FANCA: variants seen among roughly 807,000 people sequenced by gnomAD.
FANCA encodes FA complementation group A, also known as Fanconi anemia group A protein.
Under a neutral mutation model 194.3 loss-of-function variants are expected in FANCA, and 236 were observed. That is an observed-to-expected ratio of 1.21 (90% CI 1.09 to 1.35). The LOEUF (loss-of-function observed/expected upper bound fraction) is 1.35. Among genes scored for constraint, FANCA ranks in the 40% most tolerant of loss-of-function variants. The pLI is 0.00. For missense variants in FANCA, 2,628 were observed against 1,813.9 expected, an observed-to-expected ratio of 1.45 and a Z score of -8.15; for synonymous variants, 1,014 against 715.8, an observed-to-expected ratio of 1.42 and a Z score of -6.65.
At chr16:89,760,972 T>C (rs2038931158) in intron 29 of FANCA, among the ~76,000 whole-genome samples, 2 of 152,304 alleles carry the variant, frequency 1.3e-5, no homozygotes, top group East Asian at 3.9e-4. Context: ...GGGTGCCTTA[T>C]ACGTGCCACA....
intron 28 of FANCA, 135 bp from the exon 29 acceptor site, chr16:89,762,157 G>C (rs1005251551): frequency 1.3e-6 from 1 of 749,174 alleles, no homozygotes; most frequent in Non-Finnish European, 2.4e-6. Flanking sequence ...TTGCAGCTGA[G>C]AGTTCCACAG....
At chr16:89,771,206 C>T (rs536695851) in intron 23 of FANCA, among the ~76,000 whole-genome samples, 18 of 148,836 alleles carry the variant, frequency 1.2e-4, no homozygotes, top group African/African-American at 4.0e-4. Flanking sequence ...TGCCTATAAT[C>T]CCAACACTTT....
At chr16:89,813,073 T>C (rs1344162848) in intron 3 of FANCA, among the ~76,000 whole-genome samples, 1 of 150,310 alleles carries the variant, frequency 6.7e-6, no homozygotes, top group Non-Finnish European at 1.5e-5. Flanking sequence ...TCTAGAAGCT[T>C]AAAATTATAG....
chr16:89,754,149 G>C (rs1320356925), intron 30 of FANCA, among the ~76,000 whole-genome samples: 2 of 151,880 alleles, frequency 1.3e-5, no homozygotes, highest in Middle Eastern at 3.2e-3. Flanking sequence ...TTGAACCTGA[G>C]AGGCGAAGGT....
chr16:89,771,668 C>G lies in FANCA; in HGVS notation c.2151+10G>C. 3.7e-6 allele frequency: 6 copies of G among 1,614,098 alleles called. No individual in the cohort carries two copies. The highest frequency in any genetic ancestry group is 5.1e-6 in the Non-Finnish European group (6 of 1,179,994). On this transcript the variant is annotated intron_variant, in intron 23 of 42. Transcript: ENST00000389301. Reference sequence around the variant, plus strand: ...AGACCCCCTGCTTTGTTCTGAGCCCCTACACCTACCATGTGTTCCCGTGGC... The same window carrying G: ...AGACCCCCTGCTTTGTTCTGAGCCCGTACACCTACCATGTGTTCCCGTGGC...
chr16:89,737,931 C>T lies in FANCA; in HGVS notation c.*670G>A. The T allele has an allele frequency of 6.2e-7, 1 of 1,613,784 alleles. No homozygotes were observed. Among genetic ancestry groups the T allele is most frequent in the East Asian group, 2.2e-5 (1 of 44,874 alleles). On this transcript the variant is annotated 3_prime_UTR_variant, in exon 43 of 43. Coordinates refer to ENST00000389301, the MANE Select transcript of FANCA (RefSeq NM_000135.4). ...GTAAGTGTGAGTCAGGACCCCCTCC[C>T]AGGGCTGTGGCCCTCGCACCTTCTT...
At chr16:89,780,675 T>C (rs1016779050) in intron 17 of FANCA, among the ~76,000 whole-genome samples, 3 of 150,022 alleles carry the variant, frequency 2.0e-5, no homozygotes, top group Admixed American at 6.6e-5. Flanking sequence ...ACATCTGTAA[T>C]CCCAGCATTT....
chr16:89,814,450 T>G, intron 3 of FANCA, 70 bp downstream of exon 3: 1 of 1,217,328 alleles, frequency 8.2e-7, no homozygotes. Flanking sequence ...CTACTTAATT[T>G]AGCAAACTAT....
rs2143333930 is a variant in FANCA at position 89,770,023 on chromosome 16, C to T, written c.2318G>A (p.Gly773Asp). 6.2e-7 allele frequency: 1 copy of T among 1,613,158 alleles called. No individual in the cohort carries two copies. The highest frequency in any genetic ancestry group is 8.5e-7 in the Non-Finnish European group (1 of 1,179,820). Residue 773 changes from glycine (G) to aspartate (D), a missense_variant and splice_region_variant, in exon 26 of 43, where the codon GGC (glycine) becomes GAC (aspartate). Gly to Asp is a moderately conservative substitution (Grantham distance 94). Coordinates refer to ENST00000389301, the MANE Select transcript of FANCA (RefSeq NM_000135.4). ...CACATGTGGGGCACTCAGGCTCGGG[C>T]CCTGCAACGAGAATGAGGGTGGCAG... ...TRLCQLLRHQ[G>D]PSLSAPHVLG... is the part of the protein sequence containing the mutation.
At chr16:89,748,445 G>A (rs1319988792) in intron 33 of FANCA, among the ~76,000 whole-genome samples, 2 of 152,240 alleles carry the variant, frequency 1.3e-5, no homozygotes, top group African/African-American at 2.4e-5. Context: ...TTGGGAGAAG[G>A]CAACCTACAG....
Position 89,769,871 on chromosome 16 carries a change from A to G in FANCA, c.2470T>C (p.Cys824Arg). 6.2e-7 allele frequency: 1 copy of G among 1,614,168 alleles called. No homozygotes were observed. Among genetic ancestry groups the G allele is most frequent in the Non-Finnish European group, 8.5e-7 (1 of 1,180,030 alleles). Residue 824 changes from cysteine to arginine, a missense_variant, in exon 26 of 43, where the codon TGT (cysteine) becomes CGT (arginine). Physicochemically the swap from Cys to Arg is radical, Grantham distance 180. Transcript: ENST00000389301. The part of the protein sequence containing the change: ...VPALFDSLLT[C>R]RTRDSLFFCL... ...AAGAACAAGGAATCCCTCGTCCTAC[A>G]GGTCAGGAGGCTGTCAAAGAGCGCA...
chr16:89,742,463 C>G (rs111447642), intron 37 of FANCA, among the ~76,000 whole-genome samples: 7,715 of 151,980 alleles, frequency 0.051, 619 homozygotes, highest in African/African-American at 0.17. Context: ...TACATACAAC[C>G]ATTTAAAAAA....
At chr16:89,767,743 T>A (rs1388182297) in intron 26 of FANCA, among the ~76,000 whole-genome samples, 1 of 152,032 alleles carries the variant, frequency 6.6e-6, no homozygotes, top group East Asian at 1.9e-4. Context: ...AGAGATGGGG[T>A]TTCACCGTGT....
At chr16:89,750,608 A>G (rs2038554756) in intron 31 of FANCA, among the ~76,000 whole-genome samples, 3 of 151,682 alleles carry the variant, frequency 2.0e-5, no homozygotes, top group Admixed American at 2.0e-4. Context: ...GGCCAACAAA[A>G]TTAGCCATAC....
Position 89,791,468 on chromosome 16 carries a change from G to C in FANCA, c.1294C>G (p.Leu432Val). 6.2e-7 allele frequency: 1 copy of C among 1,614,158 alleles called. No homozygotes were observed. The highest frequency in any genetic ancestry group is 8.5e-7 in the Non-Finnish European group (1 of 1,180,040). Residue 432 changes from leucine to valine, a missense_variant, in exon 14 of 43, where the codon CTG becomes GTG. Transcript: ENST00000389301. ...CQLDSMVTAF[L>V]VVRQAALEGP... ...TCCAGTGCTGCCTGGCGCACAACCA[G>C]GAACGCAGTGACCATGCTGTCCAGC...
intron 2 of FANCA, 68 bp downstream of exon 2, chr16:89,815,808 TG>T: frequency 8.2e-7 from 1 of 1,215,518 alleles, no homozygotes; most frequent in Non-Finnish European, 1.2e-6. Flanking sequence ...TTAGGAAAGC[TG>T]TGCGGTGGCT....
chr16:89,780,178 CA>C (rs1205762489), intron 17 of FANCA, among the ~76,000 whole-genome samples: 1 of 152,180 alleles, frequency 6.6e-6, no homozygotes, highest in Non-Finnish European at 1.5e-5. Flanking sequence ...CCTCCACACA[CA>C]CAAGGTTCAG....
rs562189410 is a variant in FANCA at position 89,767,758 on chromosome 16, G to C, written c.2505-521C>G. Reference sequence around the variant, plus strand: ...AGAGATGGGGTTTCACCGTGTTAGCGAGGATGGTCTCGATCTCCTGACTTC... The same window carrying C: ...AGAGATGGGGTTTCACCGTGTTAGCCAGGATGGTCTCGATCTCCTGACTTC... On this transcript the variant is annotated intron_variant, in intron 26 of 42. Transcript: ENST00000389301. Among the ~76,000 whole-genome samples the C allele has an allele frequency of 3.0e-4, 45 of 152,164 alleles. 1 individual carries two copies. In the East Asian group the frequency reaches 5.0e-3, roughly 17 times the overall value.
At chr16:89,814,854 T>C (rs1291063764) in intron 2 of FANCA, among the ~76,000 whole-genome samples, 3 of 151,560 alleles carry the variant, frequency 2.0e-5, no homozygotes, top group African/African-American at 7.3e-5. Context: ...GACGGGAGAA[T>C]CACTTAAACC....
Sources: gnomAD v4.1 joint callset for allele counts (sites outside exome capture counted in the v4.1 genomes callset) on GRCh38, gnomAD v4.1.1 for gene constraint, MANE v1.5 for transcripts, NCBI Gene and HGNC (gene_info 2026-07-23, HGNC 2026-07-21) for gene names.